The following CADPS2 variants were observed in gnomAD, a reference collection of about 807,000 sequenced individuals.
CADPS2 encodes calcium dependent secretion activator 2.
CADPS2 carries 93 observed loss-of-function variants against 172.5 expected under a neutral mutation model. That is an observed-to-expected ratio of 0.54 (90% confidence interval 0.46 to 0.64). The LOEUF (loss-of-function observed/expected upper bound fraction) is 0.64, where lower values mean the gene tolerates loss of function less well. Among genes scored for constraint, CADPS2 ranks in the 30% least tolerant of loss-of-function variants. The pLI is 0.00. For missense variants in CADPS2, 1,420 were observed against 1,565.9 expected, an observed-to-expected ratio of 0.91 and a Z score of 1.57; for synonymous variants, 546 against 555.2, an observed-to-expected ratio of 0.98 and a Z score of 0.23.
chr7:122,334,782 T>C (rs551182821), intron 28 of CADPS2, among the ~76,000 whole-genome samples: 2 of 152,158 alleles, frequency 1.3e-5, no homozygotes, highest in African/African-American at 2.4e-5. Context: ...AGTACTTCCA[T>C]TTAAAAAAAA....
intron 19 of CADPS2, chr7:122,409,486 A>G: frequency 3.5e-6 from 1 of 286,910 alleles, no homozygotes; most frequent in Non-Finnish European, 7.6e-6. Context: ...TTTTCAAAAC[A>G]GCTTCAGGTT....
chr7:122,392,784 A>ATTC (rs1415138594), intron 22 of CADPS2, among the ~76,000 whole-genome samples: 3 of 152,180 alleles, frequency 2.0e-5, no homozygotes, highest in Non-Finnish European at 2.9e-5. Flanking sequence ...TCTTGAAACC[A>ATTC]TTCTTCCAAA....
chr7:122,406,639 C>G (rs1051077269), intron 20 of CADPS2, among the ~76,000 whole-genome samples: 1 of 152,102 alleles, frequency 6.6e-6, no homozygotes, highest in Admixed American at 6.5e-5. Context: ...AAAACCCTAT[C>G]GTGAGACAGA....
At chr7:122,558,599 C>T (rs560458288) in intron 7 of CADPS2, among the ~76,000 whole-genome samples, 14 of 151,928 alleles carry the variant, frequency 9.2e-5, no homozygotes, top group Non-Finnish European at 1.6e-4. Context: ...TAATGGAAAC[C>T]ACAAAATGGA....
chr7:122,361,019 AT>A lies in CADPS2; in HGVS notation c.3388-7del, dbSNP rs767876134. 2.2e-5 allele frequency: 36 copies of A among 1,610,070 alleles called. No homozygotes were observed. The Admixed American group carries it at 6.0e-4, about 27-fold the overall frequency. ...CCTTCCAACACTGAAACAAACTATA[AT>A]ACAGTTATAGTGAGTATTTAGAATG... On this transcript the variant is annotated splice_polypyrimidine_tract_variant and splice_region_variant and intron_variant, in intron 25 of 29. Coordinates refer to ENST00000449022, the MANE Select transcript of CADPS2 (RefSeq NM_017954.11).
intron 2 of CADPS2, among the ~76,000 whole-genome samples, chr7:122,708,517 C>T (rs1297541883): frequency 1.7e-5 from 1 of 60,352 alleles, no homozygotes; most frequent in African/African-American, 6.7e-5. Flanking sequence ...ATATTGTATT[C>T]GAGATATATA....
At position 122,820,251 on chromosome 7, in the gene CADPS2, A is replaced by T. The variant is rs1000625295; in HGVS notation, c.339+65748T>A. On this transcript the variant is annotated intron_variant, in intron 1 of 29. Coordinates refer to ENST00000449022, the MANE Select transcript of CADPS2 (RefSeq NM_017954.11). ...TCACTTGGACTGACCCTGACAGCCA[A>T]CAAGCTCAGCAAATTACCTAGGCTG... Among the ~76,000 whole-genome samples the T allele has an allele frequency of 5.3e-5, 8 of 152,230 alleles. No homozygotes were observed. In the East Asian group the frequency reaches 1.2e-3, roughly 22 times the overall value.
At chr7:122,395,986 T>C (rs1391067485) in intron 20 of CADPS2, among the ~76,000 whole-genome samples, 1 of 152,110 alleles carries the variant, frequency 6.6e-6, no homozygotes, top group African/African-American at 2.4e-5. Flanking sequence ...ATTTTTGTAT[T>C]TTTGGTAGAG....
chr7:122,750,354 AAAG>A (rs1170680147), intron 1 of CADPS2, among the ~76,000 whole-genome samples: 1 of 152,184 alleles, frequency 6.6e-6, no homozygotes, highest in African/African-American at 2.4e-5. Flanking sequence ...TATATACTAA[AAAG>A]AATCCATTAT....
intron 3 of CADPS2, among the ~76,000 whole-genome samples, chr7:122,638,724 T>G (rs2077311429): frequency 6.6e-6 from 1 of 152,208 alleles, no homozygotes; most frequent in African/African-American, 2.4e-5. Context: ...ATGGATCCCC[T>G]GAGGACTCTT....
intron 2 of CADPS2, chr7:122,702,031 T>C (rs773546954): frequency 2.5e-6 from 4 of 1,613,690 alleles, no homozygotes; most frequent in South Asian, 1.1e-5. Context: ...GAACTCGCAG[T>C]TGAAGCTGGT....
chr7:122,384,072 ATC>A (rs2043329012), intron 24 of CADPS2, among the ~76,000 whole-genome samples: 1 of 152,052 alleles, frequency 6.6e-6, no homozygotes, highest in South Asian at 2.1e-4. Flanking sequence ...TGGCTTTGTG[ATC>A]TCGACATCTG....
At chr7:122,601,006 A>AT (rs1358649566) in intron 6 of CADPS2, among the ~76,000 whole-genome samples, 2 of 152,068 alleles carry the variant, frequency 1.3e-5, no homozygotes, top group Non-Finnish European at 2.9e-5. Context: ...TAGAAACACA[A>AT]TTTTTTAAAT....
At chr7:122,366,562 G>A (rs558757050) in intron 25 of CADPS2, among the ~76,000 whole-genome samples, 22 of 149,776 alleles carry the variant, frequency 1.5e-4, no homozygotes, top group South Asian at 4.3e-4. Flanking sequence ...TCGAGATTGC[G>A]CCACTGCACT....
chr7:122,784,402 T>C (rs951193583), intron 1 of CADPS2, among the ~76,000 whole-genome samples: 15 of 152,210 alleles, frequency 9.9e-5, no homozygotes, highest in East Asian at 3.9e-4. Context: ...TACGCACTCA[T>C]GTGTTAAGAT....
chr7:122,606,036 T>C (rs1484986812), intron 6 of CADPS2, among the ~76,000 whole-genome samples: 1 of 152,240 alleles, frequency 6.6e-6, no homozygotes, highest in Non-Finnish European at 1.5e-5. Flanking sequence ...TATTTAGCAG[T>C]TGAATACTTG....
chr7:122,326,982 T>A (rs975281152), intron 28 of CADPS2, among the ~76,000 whole-genome samples: 8 of 152,054 alleles, frequency 5.3e-5, no homozygotes, highest in Admixed American at 5.2e-4. Context: ...AGCTTCAAGT[T>A]TTAAAAATGT....
chr7:122,352,980 T>C (rs2038883992), intron 27 of CADPS2, among the ~76,000 whole-genome samples: 1 of 152,106 alleles, frequency 6.6e-6, no homozygotes, highest in East Asian at 1.9e-4. Context: ...TCATTCCAGG[T>C]AGAAACAATA....
At chr7:122,819,230 C>T (rs978332823) in intron 1 of CADPS2, among the ~76,000 whole-genome samples, 13 of 152,264 alleles carry the variant, frequency 8.5e-5, no homozygotes, top group African/African-American at 2.4e-4. Flanking sequence ...AAGGAATGCC[C>T]GCAGCCCAGG....
Sources: gnomAD v4.1 joint callset for allele counts (sites outside exome capture counted in the v4.1 genomes callset) on GRCh38, gnomAD v4.1.1 for gene constraint, MANE v1.5 for transcripts, NCBI Gene and HGNC (gene_info 2026-07-23, HGNC 2026-07-21) for gene names.